XPO6: variants seen among roughly 807,000 people sequenced by gnomAD.
XPO6 encodes the protein exportin 6, also known as exportin-6.
XPO6 carries 3 observed loss-of-function variants against 130.0 expected under a neutral mutation model. The observed-to-expected ratio is 0.02, with a 90% CI of 0.01 to 0.06. The LOEUF (loss-of-function observed/expected upper bound fraction) is 0.06. XPO6 is among the 10% of genes least tolerant of loss of function. XPO6 has a pLI of 1.00. For missense variants in XPO6, 970 were observed against 1,393.0 expected, an observed-to-expected ratio of 0.70 and a Z score of 4.83; for synonymous variants, 524 against 548.9, an observed-to-expected ratio of 0.95 and a Z score of 0.63.
intron 17 of XPO6, among the ~76,000 whole-genome samples, chr16:28,108,480 G>T (rs1364640384): frequency 6.6e-6 from 1 of 152,294 alleles, no homozygotes; most frequent in East Asian, 1.9e-4. Flanking sequence ...CTGCAGTGGG[G>T]ATTAGAGACA....
At chr16:28,185,844 G>A (rs565355299) in intron 1 of XPO6, among the ~76,000 whole-genome samples, 7 of 152,292 alleles carry the variant, frequency 4.6e-5, no homozygotes, top group African/African-American at 1.2e-4. Flanking sequence ...GCAGGATGAC[G>A]AATTAAGCTT....
chr16:28,146,163 G>A lies in XPO6; in HGVS notation c.1265C>T (p.Thr422Met), dbSNP rs371332517. 38 of 1,613,852 alleles carry A rather than the reference G, an allele frequency of 2.4e-5. No individual in the cohort carries two copies. Among genetic ancestry groups the A allele is most frequent in the Middle Eastern group, 1.6e-4 (1 of 6,080 alleles). ...EGYFSCLDIW[T>M]LFLDYLTSKI... is the part of the protein sequence containing the mutation. ...ACTTGTCAGATAGTCCAAAAACAGC[G>A]TCCAGATATCCAAACAAGAGAAGTA... Residue 422 changes from threonine to methionine, a missense_variant, in exon 9 of 24, where the codon ACG becomes ATG. Around this residue, in one of 4 missense-constraint regions of XPO6, gnomAD observed 936 missense variants for 1,306.8 expected, o/e 0.72. Transcript: ENST00000304658.
intron 12 of XPO6, among the ~76,000 whole-genome samples, chr16:28,128,740 G>C (rs1297344128): frequency 1.3e-5 from 2 of 152,148 alleles, no homozygotes; most frequent in Non-Finnish European, 2.9e-5. Context: ...ATGCTAGGGA[G>C]CTCAAGGGAG....
In XPO6 at chr16:28,097,994, A is replaced by G. The variant is rs1489290139; in HGVS notation, c.*544T>C. On this transcript the variant is annotated 3_prime_UTR_variant, in exon 24 of 24. Coordinates refer to ENST00000304658, the MANE Select transcript of XPO6 (RefSeq NM_015171.4). ...GCCAGGGTTTCTAGAACAACAACAT[A>G]GGCATTTTATTTCTTTTCATTAAGC... is the stretch of plus-strand genomic sequence containing the variant. The G allele has an allele frequency of 6.6e-6, 1 of 152,666 alleles. No homozygotes were observed. The highest frequency in any genetic ancestry group is 2.4e-5 in the African/African-American group (1 of 41,446). 9.5% of individuals were successfully genotyped at this position (152,666 alleles called of 1,614,324 possible).
chr16:28,182,962 T>C (rs931107561), intron 1 of XPO6, among the ~76,000 whole-genome samples: 1 of 152,222 alleles, frequency 6.6e-6, no homozygotes, highest in Non-Finnish European at 1.5e-5. Flanking sequence ...TAGCACATGT[T>C]AAAATAAATC....
intron 23 of XPO6, among the ~76,000 whole-genome samples, chr16:28,099,356 T>C (rs778007678): frequency 1.3e-5 from 2 of 152,138 alleles, no homozygotes; most frequent in Non-Finnish European, 2.9e-5. Flanking sequence ...AGCAGAGCCA[T>C]GAGCAGGACC....
At chr16:28,118,945 G>C (rs1338598133) in intron 14 of XPO6, among the ~76,000 whole-genome samples, 2 of 152,210 alleles carry the variant, frequency 1.3e-5, no homozygotes, top group Admixed American at 1.3e-4. Context: ...GGATAGGATT[G>C]CTACTGGATT....
At chr16:28,147,282 G>C (rs2043001153) in intron 8 of XPO6, among the ~76,000 whole-genome samples, 1 of 152,156 alleles carries the variant, frequency 6.6e-6, no homozygotes, top group Non-Finnish European at 1.5e-5. Flanking sequence ...GTGTAACTTG[G>C]CTGGGCGTGG....
Position 28,156,544 on chromosome 16 carries a change from C to A in XPO6, c.644-17G>T. The stretch of plus-strand genomic sequence containing the variant: ...GTAAGTCACCTGAAAATAAGAAAGG[C>A]TTTTAAGCTATCCAGCATCAAATCT... On this transcript the variant is annotated splice_polypyrimidine_tract_variant and intron_variant, in intron 6 of 23. Coordinates refer to ENST00000304658, the MANE Select transcript of XPO6 (RefSeq NM_015171.4). 1 of 1,519,168 alleles carries A rather than the reference C, an allele frequency of 6.6e-7. No individual in the cohort carries two copies. Among genetic ancestry groups the A allele is most frequent in the Non-Finnish European group, 8.8e-7 (1 of 1,133,212 alleles). The allele number at this position is 1,519,168 out of a possible 1,614,324, so 94.1% of individuals were successfully genotyped here.
chr16:28,195,957 C>T (rs2043855379), intron 1 of XPO6, among the ~76,000 whole-genome samples: 1 of 152,184 alleles, frequency 6.6e-6, no homozygotes, highest in Non-Finnish European at 1.5e-5. Context: ...CTTGCACTTA[C>T]CTGCAAGTTC....
Position 28,132,228 on chromosome 16 carries a change from C to T in XPO6, c.1606+106G>A. On this transcript the variant is annotated intron_variant, in intron 12 of 23. Coordinates refer to ENST00000304658, the MANE Select transcript of XPO6 (RefSeq NM_015171.4). The surrounding 1 kb of genome is among the most constrained non-coding windows in gnomAD (Gnocchi z 4.0). The stretch of plus-strand genomic sequence containing the variant: ...GTGGGGAGAGATGCCAGTGGGGAGG[C>T]TGCAGTGAAGAAATCATGTTCCGAC... 1 of 833,880 alleles carries T rather than the reference C, an allele frequency of 1.2e-6. No homozygotes were observed. 51.7% of individuals were successfully genotyped at this position (833,880 alleles called of 1,614,324 possible).
Position 28,135,452 on chromosome 16 carries a change from G to A in XPO6, c.1335-128C>T, listed in dbSNP as rs2042757080. On this transcript the variant is annotated intron_variant, in intron 9 of 23. Coordinates refer to ENST00000304658, the MANE Select transcript of XPO6 (RefSeq NM_015171.4). ...ATGGAAAAAGAGCATCGAAATTCCT[G>A]AGGCTGAGTTTATGGGTTGGTACGT... The A allele has an allele frequency of 1.2e-5, 9 of 724,226 alleles. No individual in the cohort carries two copies. The South Asian group carries it at 1.7e-4, about 14-fold the overall frequency. The allele number at this position is 724,226 out of a possible 1,614,324, so 44.9% of individuals were successfully genotyped here.
chr16:28,143,252 C>T (rs1234624778), intron 9 of XPO6, among the ~76,000 whole-genome samples: 3 of 152,178 alleles, frequency 2.0e-5, no homozygotes, highest in Non-Finnish European at 2.9e-5. Flanking sequence ...TGTCCAGGGG[C>T]CATGCCACCT....
intron 14 of XPO6, among the ~76,000 whole-genome samples, chr16:28,118,334 AT>A (rs1265404979): frequency 1.3e-5 from 2 of 151,906 alleles, no homozygotes. Flanking sequence ...TCTCATCCTT[AT>A]TTTGTTAATC....
intron 9 of XPO6, among the ~76,000 whole-genome samples, chr16:28,137,580 TC>T (rs1425239207): frequency 2.0e-5 from 3 of 151,948 alleles, no homozygotes; most frequent in African/African-American, 7.3e-5. Context: ...TGAGAATCAG[TC>T]TACAGACCAC....
chr16:28,106,007 G>T lies in XPO6; in HGVS notation c.2784+36C>A. ...CTCATTCCCTTCCCAATCTGGAGAT[G>T]GGGGGTGCTGCACAGGGGACCGTCT... On this transcript the variant is annotated intron_variant, in intron 20 of 23. Coordinates refer to ENST00000304658, the MANE Select transcript of XPO6 (RefSeq NM_015171.4). The surrounding 1 kb of genome is among the most constrained non-coding windows in gnomAD (Gnocchi z 4.2). 3.2e-6 allele frequency: 5 copies of T among 1,587,000 alleles called. No homozygotes were observed. Among genetic ancestry groups the T allele is most frequent in the Non-Finnish European group, 4.3e-6 (5 of 1,161,434 alleles).
chr16:28,106,009 G>T lies in XPO6; in HGVS notation c.2784+34C>A. 6.3e-7 allele frequency: 1 copy of T among 1,591,042 alleles called. No homozygotes were observed. On this transcript the variant is annotated intron_variant, in intron 20 of 23. Coordinates refer to ENST00000304658, the MANE Select transcript of XPO6 (RefSeq NM_015171.4). The surrounding 1 kb of genome is among the most constrained non-coding windows in gnomAD (Gnocchi z 4.2). ...CATTCCCTTCCCAATCTGGAGATGG[G>T]GGGTGCTGCACAGGGGACCGTCTGA...
chr16:28,101,311 A>G lies in XPO6; in HGVS notation c.3276+147T>C, dbSNP rs1465503512. 5 of 724,712 alleles carry G rather than the reference A, an allele frequency of 6.9e-6. No individual in the cohort carries two copies. The highest frequency in any genetic ancestry group is 1.2e-5 in the Non-Finnish European group (5 of 403,722). The allele number at this position is 724,712 out of a possible 1,614,324, so 44.9% of individuals were successfully genotyped here. Reference sequence around the variant, plus strand: ...CTCAATCAGGCTACAGCACCAGGTCAGCAGGCATCTCGTGAGCTGCCGCCA... The same window carrying G: ...CTCAATCAGGCTACAGCACCAGGTCGGCAGGCATCTCGTGAGCTGCCGCCA... On this transcript the variant is annotated intron_variant, in intron 23 of 23. Coordinates refer to ENST00000304658, the MANE Select transcript of XPO6 (RefSeq NM_015171.4). The surrounding 1 kb of genome is among the most constrained non-coding windows in gnomAD (Gnocchi z 5.4).
At chr16:28,125,121 G>A (rs898427452) in intron 13 of XPO6, among the ~76,000 whole-genome samples, 6 of 152,192 alleles carry the variant, frequency 3.9e-5, no homozygotes, top group African/African-American at 1.4e-4. Context: ...AGAAGAAAAG[G>A]AGCCCAGTGG....
Sources: gnomAD v4.1 joint callset for allele counts (sites outside exome capture counted in the v4.1 genomes callset) on GRCh38, gnomAD v4.1.1 for gene constraint, gnomAD v4.1.1 regional missense constraint, Gnocchi (gnomAD v3.1) non-coding constraint, MANE v1.5 for transcripts, NCBI Gene and HGNC (gene_info 2026-07-23, HGNC 2026-07-21) for gene names.